CCDC146: variants seen among roughly 807,000 people sequenced by gnomAD.
CCDC146 encodes the protein coiled-coil domain-containing protein 146.
A neutral mutation model predicts 119.3 loss-of-function variants in CCDC146; 92 were observed. The ratio of observed to expected loss-of-function variants is 0.77; its 90% CI spans 0.65 to 0.92. CCDC146 has a LOEUF of 0.92. CCDC146 is among the 40% of genes least tolerant of loss of function. The probability of loss-of-function intolerance (pLI) is 0.00; values close to 1 mark genes in which losing one functional copy is unlikely to be tolerated. For missense variants in CCDC146, 1,000 were observed against 1,103.0 expected, an observed-to-expected ratio of 0.91 and a Z score of 1.32; for synonymous variants, 372 against 371.8, an observed-to-expected ratio of 1.00 and a Z score of -0.01.
intron 1 of CCDC146, among the ~76,000 whole-genome samples, chr7:77,130,099 A>T (rs965712878): frequency 5.9e-5 from 9 of 152,166 alleles, no homozygotes; most frequent in African/African-American, 1.7e-4. Context: ...AAGGAAATAA[A>T]AAAATCATAT....
At chr7:77,173,577 C>T (rs1791458747) in intron 2 of CCDC146, among the ~76,000 whole-genome samples, 1 of 152,058 alleles carries the variant, frequency 6.6e-6, no homozygotes, top group South Asian at 2.1e-4. Context: ...TGCAGTGAGC[C>T]CAGATCACAC....
chr7:77,216,441 C>T (rs1473346210), intron 2 of CCDC146, among the ~76,000 whole-genome samples: 6 of 152,096 alleles, frequency 3.9e-5, no homozygotes, highest in Admixed American at 3.9e-4. Flanking sequence ...AGAATCAAGT[C>T]CCTACAAAGC....
At chr7:77,189,605 C>A (rs1195448694) in intron 2 of CCDC146, among the ~76,000 whole-genome samples, 1 of 152,138 alleles carries the variant, frequency 6.6e-6, no homozygotes, top group East Asian at 1.9e-4. Context: ...GGCTTAAAGG[C>A]CTAGGTAATC....
Position 77,282,557 on chromosome 7 carries a change from T to C in CCDC146, c.1920T>C (p.Ser640=), listed in dbSNP as rs1259907908. Residue 640 remains serine (S), a splice_region_variant and synonymous_variant, in exon 15 of 19, where the codon AGT becomes AGC. Coordinates refer to ENST00000285871, the MANE Select transcript of CCDC146 (RefSeq NM_020879.3). ...YEKAVQHRNE[S]GVQLIEREEE... ...CCTCTGCCTCTGAATTTGACCATAGTGGCGTTCAGCTGATAGAGCGGGAAG... is the reference window on the plus strand; with the variant it reads ...CCTCTGCCTCTGAATTTGACCATAGCGGCGTTCAGCTGATAGAGCGGGAAG... 1 of 1,596,538 alleles carries C rather than the reference T, an allele frequency of 6.3e-7. No homozygotes were observed. Among genetic ancestry groups the C allele is most frequent in the Non-Finnish European group, 8.5e-7 (1 of 1,170,434 alleles).
chr7:77,165,065 A>T (rs1430647405), intron 1 of CCDC146, among the ~76,000 whole-genome samples: 2 of 152,266 alleles, frequency 1.3e-5, no homozygotes, highest in African/African-American at 4.8e-5. Flanking sequence ...GCATTCTCTT[A>T]TGCAGTGGAG....
At chr7:77,198,276 T>C (rs2150433418) in intron 2 of CCDC146, 1 of 985,420 alleles carries the variant, frequency 1.0e-6, no homozygotes, top group East Asian at 1.1e-4. Flanking sequence ...TGTCTCTAAA[T>C]GAAAGTGATC....
chr7:77,126,520 A>G (rs1427562511), intron 1 of CCDC146, among the ~76,000 whole-genome samples: 2 of 152,032 alleles, frequency 1.3e-5, no homozygotes, highest in African/African-American at 4.8e-5. Context: ...TCTGTCCAGC[A>G]TTCAGTTCTC....
intron 2 of CCDC146, among the ~76,000 whole-genome samples, chr7:77,204,337 A>G (rs1792047384): frequency 6.6e-6 from 1 of 152,248 alleles, no homozygotes; most frequent in Admixed American, 6.5e-5. Flanking sequence ...CTTAAAAAAA[A>G]TGATTTCCAC....
At chr7:77,210,370 A>G (rs1323222099) in intron 2 of CCDC146, among the ~76,000 whole-genome samples, 2 of 152,312 alleles carry the variant, frequency 1.3e-5, no homozygotes, top group South Asian at 2.1e-4. Flanking sequence ...TTGCTAAACC[A>G]TAGCAAGAGT....
chr7:77,173,001 A>G (rs1216017742), intron 2 of CCDC146, among the ~76,000 whole-genome samples: 1 of 152,098 alleles, frequency 6.6e-6, no homozygotes, highest in Non-Finnish European at 1.5e-5. Flanking sequence ...ACTAATCAGC[A>G]TAAAATATTT....
intron 1 of CCDC146, among the ~76,000 whole-genome samples, chr7:77,148,771 A>G (rs1006515605): frequency 2.0e-5 from 3 of 152,160 alleles, no homozygotes; most frequent in African/African-American, 7.2e-5. Flanking sequence ...CCAACTTACA[A>G]GGGATGTGAA....
intron 1 of CCDC146, among the ~76,000 whole-genome samples, chr7:77,160,609 A>G (rs1342400406): frequency 6.6e-6 from 1 of 152,160 alleles, no homozygotes; most frequent in African/African-American, 2.4e-5. Context: ...TGATTTTTGC[A>G]CATTGATTTT....
intron 1 of CCDC146, among the ~76,000 whole-genome samples, chr7:77,147,220 C>T (rs112442891): frequency 6.6e-6 from 1 of 152,172 alleles, no homozygotes; most frequent in African/African-American, 2.4e-5. Flanking sequence ...GAAGCTTGTG[C>T]ATTCATCATG....
At position 77,259,081 on chromosome 7, in the gene CCDC146, A is replaced by AT. The variant is rs769954599; in HGVS notation, c.758+18dup. The AT allele has an allele frequency of 1.9e-5, 29 of 1,522,800 alleles. No homozygotes were observed. The highest frequency in any genetic ancestry group is 2.6e-5 in the Non-Finnish European group (29 of 1,100,148). 94.3% of individuals were successfully genotyped at this position (1,522,800 alleles called of 1,614,324 possible). ...CACGCAAAAAAGTGTATGATTTAAT[A>AT]TTTTTACTTTGAATCCCTGCCAGTC... On this transcript the variant is annotated intron_variant, in intron 7 of 18. Transcript: ENST00000285871.
At chr7:77,186,204 T>C (rs1433662766) in intron 2 of CCDC146, among the ~76,000 whole-genome samples, 1 of 152,132 alleles carries the variant, frequency 6.6e-6, no homozygotes, top group Non-Finnish European at 1.5e-5. Flanking sequence ...ATGTTTATTG[T>C]AGCACTATTC....
chr7:77,186,078 T>A (rs1354567943), intron 2 of CCDC146, among the ~76,000 whole-genome samples: 1 of 152,110 alleles, frequency 6.6e-6, no homozygotes, highest in Non-Finnish European at 1.5e-5. Context: ...TGGAGAACAG[T>A]TTCCAGGTTC....
chr7:77,285,472 A>G (rs1334844047), intron 15 of CCDC146, among the ~76,000 whole-genome samples: 4 of 152,222 alleles, frequency 2.6e-5, no homozygotes, highest in African/African-American at 9.6e-5. Context: ...GGAGGAGCAT[A>G]AATTAAATTT....
chr7:77,148,838 A>G (rs1791064858), intron 1 of CCDC146, among the ~76,000 whole-genome samples: 1 of 152,198 alleles, frequency 6.6e-6, no homozygotes, highest in Admixed American at 6.5e-5. Context: ...AAGGACACAA[A>G]CAAATGGAAA....
intron 4 of CCDC146, among the ~76,000 whole-genome samples, chr7:77,250,297 C>T (rs912552725): frequency 3.3e-5 from 5 of 152,200 alleles, no homozygotes; most frequent in African/African-American, 9.7e-5. Context: ...TTGTGTAGAA[C>T]TGAGTTTCTG....
Sources: gnomAD v4.1 joint callset for allele counts (sites outside exome capture counted in the v4.1 genomes callset) on GRCh38, gnomAD v4.1.1 for gene constraint, MANE v1.5 for transcripts, NCBI Gene and HGNC (gene_info 2026-07-23, HGNC 2026-07-21) for gene names.